Variants in HNRNPC observed in about 807,000 individuals in gnomAD.
HNRNPC encodes heterogeneous nuclear ribonucleoproteins C1/C2.
Under a neutral mutation model 33.2 loss-of-function variants are expected in HNRNPC, and 3 were observed. The observed-to-expected ratio is 0.09, with a 90% CI of 0.04 to 0.23. The LOEUF is 0.23. Among genes scored for constraint, HNRNPC ranks in the 10% least tolerant of loss-of-function variants. The pLI, the probability that HNRNPC is intolerant of heterozygous loss-of-function variation, is 1.00. For missense variants in HNRNPC, 143 were observed against 366.7 expected (o/e 0.39, Z 4.98); for synonymous variants, 121 against 126.7 (o/e 0.96, Z 0.30).
At chr14:21,227,770 T>G (rs1893643756) in intron 5 of HNRNPC, among the ~76,000 whole-genome samples, 1 of 152,216 alleles carries the variant, frequency 6.6e-6, no homozygotes, top group Non-Finnish European at 1.5e-5. Context: ...GACTTTTTAA[T>G]GAGAACTATT....
intron 2 of HNRNPC, among the ~76,000 whole-genome samples, chr14:21,248,451 T>C (rs1020487529): frequency 6.6e-6 from 1 of 152,200 alleles, no homozygotes; most frequent in African/African-American, 2.4e-5. Context: ...GTATCATTGA[T>C]AGTATTTGTC....
intron 2 of HNRNPC, among the ~76,000 whole-genome samples, chr14:21,235,016 A>G (rs1894530046): frequency 6.6e-6 from 1 of 152,208 alleles, no homozygotes; most frequent in Non-Finnish European, 1.5e-5. Context: ...AATCAAATTA[A>G]AGATTGGGGA....
intron 1 of HNRNPC, among the ~76,000 whole-genome samples, chr14:21,268,967 T>C (rs1287661266): frequency 6.6e-6 from 1 of 151,954 alleles, no homozygotes; most frequent in Non-Finnish European, 1.5e-5. Flanking sequence ...TACGTTAACT[T>C]CGACTATATT....
Position 21,230,793 on chromosome 14 carries a change from A to C in HNRNPC, c.317+204T>G, listed in dbSNP as rs914894823. ...CCTCAGGGATTTTTAATTCTCTAGA[A>C]ATTTTCTCTAGGGCAAAAAAGAGAC... On this transcript the variant is annotated intron_variant, in intron 4 of 8. Coordinates refer to ENST00000553300, the MANE Select transcript of HNRNPC (RefSeq NM_004500.4). 1.4e-5 allele frequency: 8 copies of C among 558,180 alleles called. No individual in the cohort carries two copies. In the African/African-American group the frequency reaches 1.5e-4, roughly 11 times the overall value. The allele number at this position is 558,180 out of a possible 1,614,324, so 34.6% of individuals were successfully genotyped here. A position where few individuals can be genotyped will look rare whatever the true frequency, so the allele number is the denominator to read the frequency against.
At chr14:21,259,897 A>AC (rs3064167) in intron 2 of HNRNPC, among the ~76,000 whole-genome samples, 2 of 149,854 alleles carry the variant, frequency 1.3e-5, no homozygotes, top group African/African-American at 2.5e-5. Context: ...AAAAAAAAAA[A>AC]CAATAAAAAA....
At chr14:21,229,108 A>G (rs2139616060) in intron 5 of HNRNPC, among the ~76,000 whole-genome samples, 1 of 142,230 alleles carries the variant, frequency 7.0e-6, no homozygotes, top group East Asian at 2.1e-4. Context: ...AAAAAAAATC[A>G]GGCCAGGCGT....
At chr14:21,239,416 G>A (rs1185100553) in intron 2 of HNRNPC, among the ~76,000 whole-genome samples, 1 of 151,894 alleles carries the variant, frequency 6.6e-6, no homozygotes, top group Non-Finnish European at 1.5e-5. Context: ...GGAGGCAGAG[G>A]TGCAGTCAGC....
At chr14:21,259,218 T>TCA (rs910367284) in intron 2 of HNRNPC, among the ~76,000 whole-genome samples, 4 of 152,218 alleles carry the variant, frequency 2.6e-5, no homozygotes, top group African/African-American at 9.7e-5. Context: ...AGAATGAGCT[T>TCA]CACCATTAGC....
intron 2 of HNRNPC, among the ~76,000 whole-genome samples, chr14:21,239,026 C>T (rs765914615): frequency 1.2e-4 from 18 of 149,130 alleles, no homozygotes; most frequent in Non-Finnish European, 2.4e-4. Context: ...ACTCGGGAGG[C>T]TGAGACAGGA....
intron 1 of HNRNPC, chr14:21,264,848 C>G (rs1050853840): frequency 2.0e-5 from 3 of 152,060 alleles, no homozygotes; most frequent in Non-Finnish European, 2.9e-5. Context: ...GGAAACATGA[C>G]GAGACTTTAT....
chr14:21,264,600 A>G (rs1227309678), intron 1 of HNRNPC: 3 of 152,232 alleles, frequency 2.0e-5, no homozygotes, highest in Admixed American at 6.5e-5. Flanking sequence ...AATTTCCATG[A>G]CAAACTGGTT....
intron 2 of HNRNPC, among the ~76,000 whole-genome samples, chr14:21,256,076 T>A (rs1480071578): frequency 6.6e-6 from 1 of 151,808 alleles, no homozygotes; most frequent in Admixed American, 6.6e-5. Context: ...TCACGTGGGA[T>A]GCCCTGTAAA....
intron 2 of HNRNPC, among the ~76,000 whole-genome samples, chr14:21,257,625 A>T (rs1447148062): frequency 6.6e-6 from 1 of 151,990 alleles, no homozygotes; most frequent in African/African-American, 2.4e-5. Context: ...CACTCTTGTC[A>T]CCCAGGCTGG....
chr14:21,227,933 A>G (rs1893664566), intron 5 of HNRNPC, among the ~76,000 whole-genome samples: 1 of 152,252 alleles, frequency 6.6e-6, no homozygotes, highest in Non-Finnish European at 1.5e-5. Context: ...TAGGATAATA[A>G]TACACAGAAA....
intron 2 of HNRNPC, among the ~76,000 whole-genome samples, chr14:21,243,773 TTTATA>T (rs1291122881): frequency 6.6e-6 from 1 of 152,220 alleles, no homozygotes; most frequent in African/African-American, 2.4e-5. Context: ...AACTGAATCT[TTTATA>T]TAAATCTGTG....
At chr14:21,226,011 G>T (rs950097675) in intron 5 of HNRNPC, among the ~76,000 whole-genome samples, 22 of 152,028 alleles carry the variant, frequency 1.4e-4, no homozygotes, top group African/African-American at 5.1e-4. Context: ...ATTTTTTAAA[G>T]AATTATAAGA....
intron 2 of HNRNPC, among the ~76,000 whole-genome samples, chr14:21,240,489 G>A (rs1350005753): frequency 6.6e-6 from 1 of 152,166 alleles, no homozygotes; most frequent in East Asian, 1.9e-4. Context: ...ACGGCAGTTT[G>A]CATTATCTGA....
chr14:21,250,885 C>T (rs1896576022), intron 2 of HNRNPC, among the ~76,000 whole-genome samples: 1 of 152,128 alleles, frequency 6.6e-6, no homozygotes, highest in Admixed American at 6.5e-5. Flanking sequence ...GACTCTATTC[C>T]TAGGTAGCTC....
Position 21,219,136 on chromosome 14 carries a change from AAG to A in HNRNPC, c.366-6021_366-6020del, listed in dbSNP as rs943791842. Among the ~76,000 whole-genome samples the A allele has an allele frequency of 2.2e-4, 33 of 151,962 alleles. 1 individual carries two copies. The highest frequency in any genetic ancestry group is 7.7e-4 in the African/African-American group (32 of 41,474). On this transcript the variant is annotated intron_variant, in intron 5 of 8. Transcript: ENST00000553300. ...AAAAAAAAAAAAAAGAAGAAAAAGA[AAG>A]GGGAAAAAAAATTACATATTTTTAA...
Sources: gnomAD v4.1 joint callset for allele counts (sites outside exome capture counted in the v4.1 genomes callset) on GRCh38, gnomAD v4.1.1 for gene constraint, MANE v1.5 for transcripts, NCBI Gene and HGNC (gene_info 2026-07-23, HGNC 2026-07-21) for gene names.